The following EPHA1 variants were observed in gnomAD, a reference collection of about 807,000 sequenced individuals.
EPHA1 encodes the protein EPH receptor A1.
EPHA1 carries 92 observed loss-of-function variants against 110.1 expected under a neutral mutation model. That is an observed-to-expected ratio of 0.84 (90% CI 0.71 to 0.99). The LOEUF is 0.99. Ranked by LOEUF, EPHA1 falls within the 50% of genes least tolerant of loss-of-function variation. EPHA1 has a pLI of 0.00. For synonymous variants in EPHA1, 500 were observed against 516.1 expected, an observed-to-expected ratio of 0.97 and a Z score of 0.42; for missense variants, 1,204 against 1,285.4, an observed-to-expected ratio of 0.94 and a Z score of 0.97.
rs994750699 is a variant in EPHA1 at position 143,395,306 on chromosome 7, C to G, written c.2083+13G>C. ...ATTTCCCGCCCCCAGCTGAGGGAGA[C>G]CACTCATCGTACGCTTTGTGACGAC... is the stretch of plus-strand genomic sequence containing the variant. On this transcript the variant is annotated intron_variant, in intron 12 of 17. Transcript: ENST00000275815. This position sits in a 1 kb window ranked among gnomAD's most constrained non-coding sequence, Gnocchi z 4.7. 6.2e-7 allele frequency: 1 copy of G among 1,614,136 alleles called. No individual in the cohort carries two copies. Among genetic ancestry groups the G allele is most frequent in the Admixed American group, 1.7e-5 (1 of 60,030 alleles).
At position 143,398,581 on chromosome 7, in the gene EPHA1, A is replaced by T. The variant is rs1191373892; in HGVS notation, c.1336+20T>A. On this transcript the variant is annotated intron_variant, in intron 6 of 17. Coordinates refer to ENST00000275815, the MANE Select transcript of EPHA1 (RefSeq NM_005232.5). Reference sequence around the variant, plus strand: ...TCTGTCTCCACCAGGTCCCTGTCCCAGCCCCTCTCAGCCTCTCACCTGCAT... The same window carrying T: ...TCTGTCTCCACCAGGTCCCTGTCCCTGCCCCTCTCAGCCTCTCACCTGCAT... The T allele has an allele frequency of 1.9e-6, 3 of 1,609,676 alleles. No individual in the cohort carries two copies. The highest frequency in any genetic ancestry group is 2.7e-5 in the African/African-American group (2 of 74,960).
chr7:143,404,393 A>C (rs1218224643), intron 2 of EPHA1, among the ~76,000 whole-genome samples: 2 of 151,658 alleles, frequency 1.3e-5, no homozygotes, highest in East Asian at 3.9e-4. Flanking sequence ...ATTTTTTTGT[A>C]TTTTTAGCAG....
Position 143,391,420 on chromosome 7 carries a change from C to T in EPHA1, c.*37G>A. 2 of 1,612,824 alleles carry T rather than the reference C, an allele frequency of 1.2e-6. No individual in the cohort carries two copies. Among genetic ancestry groups the T allele is most frequent in the Non-Finnish European group, 1.7e-6 (2 of 1,179,472 alleles). ...GAGCGACCTTGGCCCCGTCCTTGCT[C>T]CTTGCACCCTGATTGGGCATGGGGT... On this transcript the variant is annotated 3_prime_UTR_variant, in exon 18 of 18. Transcript: ENST00000275815.
intron 16 of EPHA1, among the ~76,000 whole-genome samples, chr7:143,392,593 T>G (rs1277313081): frequency 6.9e-6 from 1 of 143,906 alleles, no homozygotes; most frequent in African/African-American, 2.5e-5. Flanking sequence ...TCAGGCCATA[T>G]TTTTGGTAAA....
Position 143,394,335 on chromosome 7 carries a change from C to T in EPHA1, c.2361G>A (p.Lys787=), listed in dbSNP as rs1426434920. ...CAGGGGCTGTCCAACGGATAGGGAT[C>T]TTTCCTCCCTAAGAAGGCACATGGG... The part of the protein sequence containing the change: ...FDGTYETQGG[K]IPIRWTAPEA... Residue 787 remains lysine, a synonymous_variant, in exon 15 of 18, where the codon AAG becomes AAA. Coordinates refer to ENST00000275815, the MANE Select transcript of EPHA1 (RefSeq NM_005232.5). 73 of 1,613,718 alleles carry T rather than the reference C, an allele frequency of 4.5e-5. No individual in the cohort carries two copies. Among genetic ancestry groups the T allele is most frequent in the Non-Finnish European group, 6.1e-5 (72 of 1,179,820 alleles).
chr7:143,398,519 T>G (rs1805324126), intron 6 of EPHA1, 71 bp from the exon 7 acceptor site: 6 of 1,609,280 alleles, frequency 3.7e-6, no homozygotes, highest in Non-Finnish European at 5.1e-6. Flanking sequence ...TTTCTATGGC[T>G]TCCTGCCCAT....
At position 143,392,640 on chromosome 7, in the gene EPHA1, G is replaced by A. The variant is rs180882267; in HGVS notation, c.2697-865C>T. Among the ~76,000 whole-genome samples the A allele has an allele frequency of 2.7e-3, 406 of 151,804 alleles. 1 individual carries two copies. Among genetic ancestry groups the A allele is most frequent in the Non-Finnish European group, 3.6e-3 (243 of 67,942 alleles). On this transcript the variant is annotated intron_variant, in intron 16 of 17. Transcript: ENST00000275815. ...ACCATGTCCCCCCATCCTGTGGACA[G>A]CTTTTAAGAATTGGTTCTCCAGGCC...
chr7:143,398,966 T>C, intron 5 of EPHA1, 21 bp from the exon 6 acceptor site: 1 of 1,567,138 alleles, frequency 6.4e-7, no homozygotes. Flanking sequence ...AGAGGAGCCA[T>C]CAGTAGAAGC....
chr7:143,399,675 C>A lies in EPHA1; in HGVS notation c.811G>T (p.Gly271Cys). 6.2e-7 allele frequency: 1 copy of A among 1,613,644 alleles called. No individual in the cohort carries two copies. The highest frequency in any genetic ancestry group is 8.5e-7 in the Non-Finnish European group (1 of 1,180,028). The change falls in exon 4 of 18, where the codon GGT becomes TGT. Residue 271 changes from glycine to cysteine, a missense_variant. Coordinates refer to ENST00000275815, the MANE Select transcript of EPHA1 (RefSeq NM_005232.5). ...RCHCEPGYEE[G>C]GSGEACVACP... Reference sequence around the variant, plus strand: ...CCAACACATGCTTCGCCACTGCCACCTTCCTCATAGCCAGGCTCACAGTGG... The same window carrying A: ...CCAACACATGCTTCGCCACTGCCACATTCCTCATAGCCAGGCTCACAGTGG...
chr7:143,395,316 T>C lies in EPHA1; in HGVS notation c.2083+3A>G. 2 of 1,614,220 alleles carry C rather than the reference T, an allele frequency of 1.2e-6. No homozygotes were observed. Among genetic ancestry groups the C allele is most frequent in the Non-Finnish European group, 1.7e-6 (2 of 1,180,046 alleles). Reference sequence around the variant, plus strand: ...CCCAGCTGAGGGAGACCACTCATCGTACGCTTTGTGACGACGCCTTCCAGA... The same window carrying C: ...CCCAGCTGAGGGAGACCACTCATCGCACGCTTTGTGACGACGCCTTCCAGA... On this transcript the variant is annotated splice_donor_region_variant and intron_variant, in intron 12 of 17. Transcript: ENST00000275815. This position sits in a 1 kb window ranked among gnomAD's most constrained non-coding sequence, Gnocchi z 4.7.
At chr7:143,398,211 G>A in intron 7 of EPHA1, 110 bp downstream of exon 7, 2 of 1,579,222 alleles carry the variant, frequency 1.3e-6, no homozygotes, top group Non-Finnish European at 1.7e-6. Context: ...TCCTGAGAAA[G>A]CCACACAGTG....
chr7:143,398,949 T>C lies in EPHA1; in HGVS notation c.992-4A>G. ...TTTCGGGGGGCCGAGGGGGGACCTGTGGGAGAAGAGGAGCCATCAGTAGAA... is the reference window on the plus strand; with the variant it reads ...TTTCGGGGGGCCGAGGGGGGACCTGCGGGAGAAGAGGAGCCATCAGTAGAA... On this transcript the variant is annotated splice_region_variant and splice_polypyrimidine_tract_variant and intron_variant, in intron 5 of 17. Transcript: ENST00000275815. 1.3e-6 allele frequency: 2 copies of C among 1,591,362 alleles called. No individual in the cohort carries two copies.
chr7:143,408,295 C>T (rs1389559030), intron 1 of EPHA1, among the ~76,000 whole-genome samples: 2 of 152,212 alleles, frequency 1.3e-5, no homozygotes. Flanking sequence ...AGTCCTAACC[C>T]TTCTCCCGGA....
At position 143,391,502 on chromosome 7, in the gene EPHA1, C is replaced by T; in HGVS notation, c.2886G>A (p.Gly962=). Residue 962 remains glycine, a synonymous_variant, in exon 18 of 18, where the codon GGG becomes GGA. Coordinates refer to ENST00000275815, the MANE Select transcript of EPHA1 (RefSeq NM_005232.5). ...TACTGCAAAGAATGCGCTTCTGGTG[C>T]CCGGGCAGTGTGATTCCCATCTGCG... ...DLTQMGITLP[G]HQKRILCSIQ... 2 of 1,614,186 alleles carry T rather than the reference C, an allele frequency of 1.2e-6. No individual in the cohort carries two copies. Among genetic ancestry groups the T allele is most frequent in the Non-Finnish European group, 1.7e-6 (2 of 1,180,024 alleles).
Position 143,398,764 on chromosome 7 carries a change from G to C in EPHA1, c.1173C>G (p.His391Gln). Residue 391 changes from histidine (H) to glutamine (Q), a missense_variant, in exon 6 of 18, where the codon CAC becomes CAG. Coordinates refer to ENST00000275815, the MANE Select transcript of EPHA1 (RefSeq NM_005232.5). ...TGAGCCCCCGGGCCCCCGGCGAGAA[G>C]TGCACGCCCACCCCACAGGGCTGGC... ...GPCQPCGVGV[H>Q]FSPGARGLTT... 2 of 1,613,930 alleles carry C rather than the reference G, an allele frequency of 1.2e-6. No individual in the cohort carries two copies. The highest frequency in any genetic ancestry group is 1.7e-6 in the Non-Finnish European group (2 of 1,179,986).
At chr7:143,403,932 C>T (rs937641515) in intron 2 of EPHA1, among the ~76,000 whole-genome samples, 2 of 152,150 alleles carry the variant, frequency 1.3e-5, no homozygotes, top group Non-Finnish European at 1.5e-5. Context: ...ATTATAGACA[C>T]GAATCATTTC....
Position 143,400,069 on chromosome 7 carries a change from G to C in EPHA1, c.433-16C>G. On this transcript the variant is annotated splice_polypyrimidine_tract_variant and intron_variant, in intron 3 of 17. Coordinates refer to ENST00000275815, the MANE Select transcript of EPHA1 (RefSeq NM_005232.5). ...CCGTGGTTACCTGGGTAGAAGGTGG[G>C]GAAGAAAGGGGAGCAATGGCAAAGT... 6.4e-7 allele frequency: 1 copy of C among 1,572,160 alleles called. No individual in the cohort carries two copies. The highest frequency in any genetic ancestry group is 8.6e-7 in the Non-Finnish European group (1 of 1,156,376).
intron 14 of EPHA1, 76 bp downstream of exon 14, chr7:143,394,732 C>T (rs1305635007): frequency 2.6e-6 from 4 of 1,555,022 alleles, no homozygotes; most frequent in Non-Finnish European, 3.5e-6. Context: ...GTCTTTGTGC[C>T]TATATACATG....
chr7:143,398,996 G>A, intron 5 of EPHA1, 51 bp from the exon 6 acceptor site: 3 of 1,485,410 alleles, frequency 2.0e-6, no homozygotes, highest in Non-Finnish European at 2.7e-6. Context: ...TGTCACCCGA[G>A]CTGCTGATCC....
Sources: gnomAD v4.1 joint callset for allele counts (sites outside exome capture counted in the v4.1 genomes callset) on GRCh38, gnomAD v4.1.1 for gene constraint, Gnocchi (gnomAD v3.1) non-coding constraint, MANE v1.5 for transcripts, NCBI Gene and HGNC (gene_info 2026-07-23, HGNC 2026-07-21) for gene names.